Variants in SORCS2 observed in about 807,000 individuals in gnomAD.
The protein encoded by SORCS2 is sortilin related VPS10 domain containing receptor 2, also known as VPS10 domain-containing receptor SorCS2.
A neutral mutation model predicts 141.6 loss-of-function variants in SORCS2; 100 were observed. The observed-to-expected ratio is 0.71, with a 90% CI of 0.60 to 0.83. The LOEUF is 0.83. SORCS2 is among the 40% of genes least tolerant of loss of function. The pLI, the probability that SORCS2 is intolerant of heterozygous loss-of-function variation, is 0.00. For synonymous variants in SORCS2, 789 were observed against 676.9 expected (o/e 1.17, Z -2.57); for missense variants, 1,646 against 1,560.2 (o/e 1.05, Z -0.93).
At chr4:7,525,039 C>A (rs567733790) in intron 2 of SORCS2, among the ~76,000 whole-genome samples, 66 of 152,362 alleles carry the variant, frequency 4.3e-4, no homozygotes, top group African/African-American at 1.5e-3. Flanking sequence ...CGGGGAGAGG[C>A]AAAGGCCGGG....
rs552863511 is a variant in SORCS2 at position 7,618,938 on chromosome 4, C to T, written c.649-19390C>T. ...GCCATCCATGCCTGTGTGCACAGTGCGGGGGAGACTGCTGGCACCCATAGG... is the reference window on the plus strand; with the variant it reads ...GCCATCCATGCCTGTGTGCACAGTGTGGGGGAGACTGCTGGCACCCATAGG... On this transcript the variant is annotated intron_variant, in intron 3 of 26. Coordinates refer to ENST00000507866, the MANE Select transcript of SORCS2 (RefSeq NM_020777.3). Among the ~76,000 whole-genome samples, 171 of 152,216 alleles carry T rather than the reference C, an allele frequency of 1.1e-3. 1 individual carries two copies. Among genetic ancestry groups the T allele is most frequent in the African/African-American group, 2.7e-3 (114 of 41,540 alleles).
At chr4:7,211,807 C>G (rs775034096) in intron 1 of SORCS2, among the ~76,000 whole-genome samples, 36 of 151,570 alleles carry the variant, frequency 2.4e-4, no homozygotes, top group Non-Finnish European at 4.0e-4. Flanking sequence ...AGAGGAGAGG[C>G]GGGGGGCCCC....
chr4:7,285,178 G>A (rs1211708031), intron 1 of SORCS2, among the ~76,000 whole-genome samples: 1 of 152,048 alleles, frequency 6.6e-6, no homozygotes, highest in Non-Finnish European at 1.5e-5. Context: ...AATTACAGGT[G>A]CCTGCCACCA....
At chr4:7,724,725 A>G (rs1727007741) in intron 19 of SORCS2, among the ~76,000 whole-genome samples, 2 of 36,308 alleles carry the variant, frequency 5.5e-5, no homozygotes, top group Non-Finnish European at 1.0e-4. Flanking sequence ...TATTGGTGGG[A>G]ATGGATGGTG....
At chr4:7,662,653 C>A (rs1486881816) in intron 6 of SORCS2, among the ~76,000 whole-genome samples, 1 of 152,216 alleles carries the variant, frequency 6.6e-6, no homozygotes, top group African/African-American at 2.4e-5. Flanking sequence ...CGCATCACAC[C>A]ACGTTGTCAG....
At chr4:7,442,825 G>T (rs367629811) in intron 2 of SORCS2, among the ~76,000 whole-genome samples, 5 of 151,882 alleles carry the variant, frequency 3.3e-5, no homozygotes, top group Non-Finnish European at 5.9e-5. Context: ...TACCACAGAC[G>T]GGGTGGCCGA....
At chr4:7,479,512 G>A (rs1257796753) in intron 2 of SORCS2, among the ~76,000 whole-genome samples, 2 of 152,226 alleles carry the variant, frequency 1.3e-5, no homozygotes, top group African/African-American at 2.4e-5. Flanking sequence ...GGACAACCCA[G>A]CCCTGAGGCA....
rs376539658 is a variant in SORCS2, at chr4:7,589,681, G to A, written c.649-48647G>A. On this transcript the variant is annotated intron_variant, in intron 3 of 26. Coordinates refer to ENST00000507866, the MANE Select transcript of SORCS2 (RefSeq NM_020777.3). ...CTCCCAAAGTGCTGGGATTACAGGC[G>A]TGAGCCACCGCACTTGGCCAGCTGA... is the stretch of plus-strand genomic sequence containing the variant. 1.5e-4 allele frequency among the ~76,000 whole-genome samples: 23 copies of A among 152,322 alleles called. No individual in the cohort carries two copies. The South Asian group carries it at 2.1e-3, about 14-fold the overall frequency.
intron 1 of SORCS2, among the ~76,000 whole-genome samples, chr4:7,307,205 C>T (rs770007759): frequency 1.7e-4 from 26 of 152,172 alleles, no homozygotes; most frequent in Admixed American, 5.2e-4. Flanking sequence ...CCCCAGGCGA[C>T]GTTCAGAGCC....
chr4:7,544,904 G>C (rs867371827), intron 3 of SORCS2, among the ~76,000 whole-genome samples: 2 of 152,194 alleles, frequency 1.3e-5, no homozygotes, highest in Admixed American at 6.5e-5. Context: ...GGAGCCCTGA[G>C]GAGGGCTGGG....
At chr4:7,642,976 G>T (rs1210444102) in intron 4 of SORCS2, among the ~76,000 whole-genome samples, 1 of 152,192 alleles carries the variant, frequency 6.6e-6, no homozygotes, top group Non-Finnish European at 1.5e-5. Context: ...AGAGTCAATG[G>T]AGTGGACACA....
chr4:7,422,054 C>A (rs1362025656), intron 2 of SORCS2, among the ~76,000 whole-genome samples: 1 of 152,178 alleles, frequency 6.6e-6, no homozygotes. Context: ...GTCGGTGCCC[C>A]CTTTGCTACT....
At chr4:7,341,638 A>C (rs1048244652) in intron 1 of SORCS2, among the ~76,000 whole-genome samples, 2 of 152,242 alleles carry the variant, frequency 1.3e-5, no homozygotes, top group South Asian at 2.1e-4. Flanking sequence ...GGTTCCATGC[A>C]GGGCCAGGGA....
chr4:7,577,538 C>T (rs188340544), intron 3 of SORCS2, among the ~76,000 whole-genome samples: 196 of 135,124 alleles, frequency 1.5e-3, no homozygotes, highest in Non-Finnish European at 2.3e-3. Context: ...AGCATACAGG[C>T]GAAGTCAGCT....
At chr4:7,725,401 C>G (rs1727147719) in intron 20 of SORCS2, 114 bp downstream of exon 20, 3 of 1,400,800 alleles carry the variant, frequency 2.1e-6, no homozygotes, top group Non-Finnish European at 2.8e-6. Flanking sequence ...GTAGGGTGCA[C>G]TCCTCACCCT....
At chr4:7,240,649 A>C (rs1353638944) in intron 1 of SORCS2, among the ~76,000 whole-genome samples, 1 of 152,148 alleles carries the variant, frequency 6.6e-6, no homozygotes, top group Non-Finnish European at 1.5e-5. Context: ...TGCATGTTGA[A>C]GGGCTGTCTT....
intron 1 of SORCS2, among the ~76,000 whole-genome samples, chr4:7,320,851 C>CCCTCCCTTCCTCCATT (rs1718853377): frequency 1.3e-5 from 2 of 151,568 alleles, no homozygotes; most frequent in Non-Finnish European, 2.9e-5. Context: ...ATGGGACCCA[C>CCCTCCCTTCCTCCATT]CCTCCCTTCC....
In SORCS2 at chr4:7,714,269, A is replaced by C. The variant is rs1298697086; in HGVS notation, c.2019A>C (p.Arg673Ser). 1 of 1,610,772 alleles carries C rather than the reference A, an allele frequency of 6.2e-7. No homozygotes were observed. Among genetic ancestry groups the C allele is most frequent in the East Asian group, 2.2e-5 (1 of 44,806 alleles). ...QGDRCIMGQQ[R>S]SFRKRKSTSW... The stretch of plus-strand genomic sequence containing the variant: ...ACCGCTGTATCATGGGCCAGCAGAG[A>C]AGTTTCCGGAAAAGAAAGTCCACGT... Residue 673 changes from arginine (R) to serine (S), a missense_variant, in exon 16 of 27, where the codon AGA becomes AGC. Transcript: ENST00000507866.
intron 1 of SORCS2, among the ~76,000 whole-genome samples, chr4:7,299,426 C>T (rs895335464): frequency 1.4e-4 from 22 of 152,338 alleles, no homozygotes; most frequent in African/African-American, 4.6e-4. Context: ...CTGTATGGAT[C>T]GCATGGCCTC....
Sources: allele counts gnomAD v4.1 joint callset (sites outside exome capture counted in the v4.1 genomes callset), GRCh38; gene constraint gnomAD v4.1.1; transcripts MANE v1.5; gene names NCBI Gene and HGNC (gene_info 2026-07-23, HGNC 2026-07-21).